Variants in ZEB1 observed in about 807,000 individuals in gnomAD.
The protein encoded by ZEB1 is zinc finger E-box-binding homeobox 1.
A neutral mutation model predicts 84.9 loss-of-function variants in ZEB1; 21 were observed. The ratio of observed to expected loss-of-function variants is 0.25; its 90% CI spans 0.18 to 0.36. The LOEUF is 0.36. Ranked by LOEUF, ZEB1 falls within the 10% of genes least tolerant of loss-of-function variation. ZEB1 has a pLI of 1.00. For missense variants in ZEB1, 1,104 were observed against 1,330.2 expected, an observed-to-expected ratio of 0.83 and a Z score of 2.65; for synonymous variants, 420 against 471.1, an observed-to-expected ratio of 0.89 and a Z score of 1.41.
chr10:31,372,037 G>A (rs2045805661), intron 1 of ZEB1, among the ~76,000 whole-genome samples: 1 of 152,024 alleles, frequency 6.6e-6, no homozygotes, highest in Non-Finnish European at 1.5e-5. Context: ...GAGAGAGAAG[G>A]ATTGCACATA....
intron 1 of ZEB1, among the ~76,000 whole-genome samples, chr10:31,416,019 C>T (rs2055155477): frequency 6.6e-6 from 1 of 152,002 alleles, no homozygotes; most frequent in South Asian, 2.1e-4. Context: ...TCTTATTAGT[C>T]TTCTTATCTT....
At chr10:31,484,968 A>G (rs368302891) in intron 2 of ZEB1, among the ~76,000 whole-genome samples, 8 of 151,660 alleles carry the variant, frequency 5.3e-5, no homozygotes, top group Admixed American at 2.0e-4. Flanking sequence ...CTCTCCCCCA[A>G]CCTTTGTTCT....
chr10:31,321,163 G>T (rs1233988508), intron 1 of ZEB1: 3 of 1,059,280 alleles, frequency 2.8e-6, no homozygotes, highest in East Asian at 7.8e-5. Context: ...GATGCGAAAC[G>T]CGAGGTTTTG....
chr10:31,511,665 A>G (rs1383967426), intron 5 of ZEB1, among the ~76,000 whole-genome samples: 1 of 152,184 alleles, frequency 6.6e-6, no homozygotes, highest in African/African-American at 2.4e-5. Context: ...GTGAGGGTAC[A>G]TGTTGGGGTT....
intron 1 of ZEB1, among the ~76,000 whole-genome samples, chr10:31,416,086 C>A (rs1445385973): frequency 6.6e-6 from 1 of 151,628 alleles, no homozygotes; most frequent in Admixed American, 6.6e-5. Flanking sequence ...ACAGTTTTGC[C>A]CTGTGTAGAA....
intron 1 of ZEB1, among the ~76,000 whole-genome samples, chr10:31,392,900 C>T (rs928675050): frequency 1.3e-5 from 2 of 151,988 alleles, no homozygotes; most frequent in African/African-American, 4.8e-5. Flanking sequence ...AGTGGCACAA[C>T]CACAGCTCAC....
At chr10:31,469,055 A>C (rs369008690) in intron 2 of ZEB1, among the ~76,000 whole-genome samples, 4 of 152,260 alleles carry the variant, frequency 2.6e-5, no homozygotes, top group Admixed American at 2.6e-4. Flanking sequence ...GAAAGACAAC[A>C]TAGATATATT....
intron 1 of ZEB1, among the ~76,000 whole-genome samples, chr10:31,448,596 G>C (rs1220327134): frequency 6.6e-6 from 1 of 151,404 alleles, no homozygotes; most frequent in Non-Finnish European, 1.5e-5. Context: ...TTTTCGGTGT[G>C]GATGTCCTTT....
At chr10:31,331,193 TCTC>T (rs1443472867) in intron 1 of ZEB1, among the ~76,000 whole-genome samples, 3 of 150,206 alleles carry the variant, frequency 2.0e-5, no homozygotes, top group Non-Finnish European at 4.4e-5. Flanking sequence ...TTCAAGTGAT[TCTC>T]CTGCCTCAAC....
rs1201050377 is a variant in ZEB1 at position 31,528,989 on chromosome 10, A to G, written c.*1725A>G. 2.0e-5 allele frequency: 3 copies of G among 152,214 alleles called. No individual in the cohort carries two copies. The highest frequency in any genetic ancestry group is 4.4e-5 in the Non-Finnish European group (3 of 68,028). 9.4% of individuals were successfully genotyped at this position (152,214 alleles called of 1,614,324 possible). On this transcript the variant is annotated 3_prime_UTR_variant, in exon 9 of 9. Transcript: ENST00000424869. The stretch of plus-strand genomic sequence containing the variant: ...TTTATTAAGAAATCAGCCTAACCAT[A>G]CAACTCTCATTTCCTTAGTAAGCCA...
At chr10:31,438,750 CAG>C (rs1331803718) in intron 1 of ZEB1, among the ~76,000 whole-genome samples, 1 of 152,168 alleles carries the variant, frequency 6.6e-6, no homozygotes, top group Non-Finnish European at 1.5e-5. Flanking sequence ...GACTAAGGCA[CAG>C]AGGATCGCTT....
At chr10:31,373,855 A>G (rs896546934) in intron 1 of ZEB1, among the ~76,000 whole-genome samples, 5 of 151,750 alleles carry the variant, frequency 3.3e-5, no homozygotes, top group Admixed American at 6.6e-5. Context: ...ACATACTCCC[A>G]CTGAGAAAAT....
intron 1 of ZEB1, among the ~76,000 whole-genome samples, chr10:31,397,159 T>TTTTTTATTA (rs1554838440): frequency 2.3e-5 from 3 of 128,358 alleles, no homozygotes; most frequent in African/African-American, 6.0e-5. Flanking sequence ...TCTTGGGTTT[T>TTTTTTATTA]TTATTATTAT....
At chr10:31,336,955 A>C (rs1361898160) in intron 1 of ZEB1, among the ~76,000 whole-genome samples, 1 of 152,204 alleles carries the variant, frequency 6.6e-6, no homozygotes, top group Non-Finnish European at 1.5e-5. Context: ...ACTATGACCC[A>C]GTATTCCTAT....
intron 6 of ZEB1, 63 bp downstream of exon 6, chr10:31,514,771 C>A: frequency 7.6e-7 from 1 of 1,321,274 alleles, no homozygotes; most frequent in East Asian, 2.3e-5. Flanking sequence ...AAATAAATAT[C>A]ATAACATGTA....
At chr10:31,449,886 G>C (rs2060337014) in intron 1 of ZEB1, among the ~76,000 whole-genome samples, 1 of 152,118 alleles carries the variant, frequency 6.6e-6, no homozygotes. Context: ...TTTCATCATT[G>C]TGATAACCAT....
chr10:31,347,178 G>A (rs1169594585), intron 1 of ZEB1, among the ~76,000 whole-genome samples: 1 of 152,044 alleles, frequency 6.6e-6, no homozygotes, highest in Non-Finnish European at 1.5e-5. Flanking sequence ...AATGAATTGT[G>A]CAATGCCAGT....
intron 1 of ZEB1, among the ~76,000 whole-genome samples, chr10:31,350,091 C>T (rs1330720519): frequency 2.0e-5 from 3 of 151,936 alleles, no homozygotes; most frequent in Non-Finnish European, 2.9e-5. Context: ...AGTTGATTTT[C>T]GTAAATGATG....
intron 1 of ZEB1, among the ~76,000 whole-genome samples, chr10:31,328,458 T>C (rs1402828362): frequency 6.6e-6 from 1 of 152,208 alleles, no homozygotes; most frequent in African/African-American, 2.4e-5. Context: ...TTTACTTATT[T>C]ATTTTAAATA....
Sources: gnomAD v4.1 joint callset for allele counts (sites outside exome capture counted in the v4.1 genomes callset) on GRCh38, gnomAD v4.1.1 for gene constraint, MANE v1.5 for transcripts, NCBI Gene and HGNC (gene_info 2026-07-23, HGNC 2026-07-21) for gene names.